SOX5: variants seen among roughly 807,000 people sequenced by gnomAD.
SOX5 encodes SRY-box transcription factor 5.
Under a neutral mutation model 92.0 loss-of-function variants are expected in SOX5, and 9 were observed. That is an observed-to-expected ratio of 0.10 (90% CI 0.06 to 0.17). SOX5 has a LOEUF of 0.17. SOX5 is among the 10% of genes least tolerant of loss of function. The probability of loss-of-function intolerance (pLI) is 1.00; values close to 1 mark genes in which losing one functional copy is unlikely to be tolerated. For missense variants in SOX5, 642 were observed against 944.5 expected (o/e 0.68, Z 4.20); for synonymous variants, 344 against 336.3 (o/e 1.02, Z -0.25).
chr12:24,176,535 G>A (rs1174825077), intron 4 of SOX5, among the ~76,000 whole-genome samples: 1 of 152,138 alleles, frequency 6.6e-6, no homozygotes, highest in East Asian at 1.9e-4. Flanking sequence ...AGCCTGCTGT[G>A]GTTTAAGAAG....
chr12:24,065,469 A>AAACCCTCTCT (rs1295745819), intron 4 of SOX5, among the ~76,000 whole-genome samples: 1 of 152,016 alleles, frequency 6.6e-6, no homozygotes, highest in Non-Finnish European at 1.5e-5. Flanking sequence ...TAACATGGTG[A>AAACCCTCTCT]AACCCTGTCT....
intron 2 of SOX5, among the ~76,000 whole-genome samples, chr12:23,853,549 T>TG (rs1191930330): frequency 6.6e-6 from 1 of 151,700 alleles, no homozygotes; most frequent in Non-Finnish European, 1.5e-5. Context: ...ACGTGTTTTT[T>TG]TTTTTTTTTT....
chr12:23,792,657 A>C (rs1248343282), intron 3 of SOX5, among the ~76,000 whole-genome samples: 7 of 139,276 alleles, frequency 5.0e-5, no homozygotes, highest in Non-Finnish European at 6.3e-5. Flanking sequence ...AAAAAAAAAA[A>C]AAAAACTTGG....
chr12:23,710,509 T>C (rs562152670), intron 6 of SOX5, among the ~76,000 whole-genome samples: 10 of 152,256 alleles, frequency 6.6e-5, no homozygotes, highest in African/African-American at 1.7e-4. Flanking sequence ...TTTGTTCTTG[T>C]GATAGTTGGC....
chr12:23,667,127 G>A (rs1191523971), intron 6 of SOX5, among the ~76,000 whole-genome samples: 1 of 152,068 alleles, frequency 6.6e-6, no homozygotes, highest in Non-Finnish European at 1.5e-5. Context: ...GTGTGGTGGT[G>A]GGGGCGGCAG....
intron 3 of SOX5, among the ~76,000 whole-genome samples, chr12:23,808,871 C>T (rs2095827403): frequency 6.6e-6 from 1 of 151,980 alleles, no homozygotes; most frequent in African/African-American, 2.4e-5. Flanking sequence ...TAATAGTGGA[C>T]CTATTAGGTT....
At chr12:24,392,445 A>G (rs1566055679) in intron 1 of SOX5, among the ~76,000 whole-genome samples, 1 of 152,080 alleles carries the variant, frequency 6.6e-6, no homozygotes, top group Non-Finnish European at 1.5e-5. Context: ...GGAAGTTAAG[A>G]AGCTCAGTGT....
At chr12:24,056,236 T>C (rs1958086526) in intron 4 of SOX5, among the ~76,000 whole-genome samples, 1 of 151,928 alleles carries the variant, frequency 6.6e-6, no homozygotes, top group Admixed American at 6.6e-5. Context: ...CTTTGAAAAG[T>C]CCAAGACCGA....
rs1938877627 is a variant in SOX5 at position 23,530,825 on chromosome 12, GCGCGCGCGCGCA to G, written c.*3382_*3393del. 2 of 144,500 alleles carry G rather than the reference GCGCGCGCGCGCA, an allele frequency of 1.4e-5. No individual in the cohort carries two copies. Among genetic ancestry groups the G allele is most frequent in the South Asian group, 4.4e-4 (2 of 4,564 alleles). The allele number at this position is 144,500 out of a possible 1,614,324, so 9.0% of individuals were successfully genotyped here. A position where few individuals can be genotyped will look rare whatever the true frequency, so the allele number is the denominator to read the frequency against. ...TGTGTGTGTGTGTGTGTGTGCGCGC[GCGCGCGCGCGCA>G]TGTGAGAGAGAGAGAGAAAGGGAAA... On this transcript the variant is annotated 3_prime_UTR_variant, in exon 15 of 15. Transcript: ENST00000451604.
At chr12:23,884,148 C>T (rs545340717) in intron 2 of SOX5, among the ~76,000 whole-genome samples, 6 of 152,280 alleles carry the variant, frequency 3.9e-5, no homozygotes, top group South Asian at 2.1e-4. Context: ...GAAAGTTTTA[C>T]GTGTCTTGAC....
intron 4 of SOX5, among the ~76,000 whole-genome samples, chr12:24,200,191 T>C (rs1001676093): frequency 6.6e-6 from 1 of 152,182 alleles, no homozygotes; most frequent in Non-Finnish European, 1.5e-5. Context: ...TCAGGAAATC[T>C]GGGTACTTTT....
intron 2 of SOX5, among the ~76,000 whole-genome samples, chr12:23,871,280 C>T (rs1311932644): frequency 6.6e-6 from 1 of 152,114 alleles, no homozygotes; most frequent in Admixed American, 6.5e-5. Context: ...TTTTATGTAA[C>T]ACACAAAATG....
At chr12:24,441,435 C>G (rs2137190446) in intron 1 of SOX5, among the ~76,000 whole-genome samples, 1 of 152,338 alleles carries the variant, frequency 6.6e-6, no homozygotes, top group Admixed American at 6.5e-5. Context: ...ATTACACCAA[C>G]TGTCCTTTAA....
At chr12:24,395,918 C>G (rs1959823275) in intron 1 of SOX5, among the ~76,000 whole-genome samples, 3 of 152,176 alleles carry the variant, frequency 2.0e-5, no homozygotes, top group African/African-American at 4.8e-5. Flanking sequence ...GTCTGGCCTG[C>G]CCTCACAGAA....
intron 2 of SOX5, among the ~76,000 whole-genome samples, chr12:23,884,175 C>T (rs530826687): frequency 6.6e-5 from 10 of 152,272 alleles, no homozygotes; most frequent in South Asian, 4.1e-4. Context: ...AAACACTGTA[C>T]GCACCCTCTA....
intron 6 of SOX5, among the ~76,000 whole-genome samples, chr12:23,673,365 T>C (rs2085113653): frequency 1.3e-5 from 2 of 152,146 alleles, no homozygotes; most frequent in South Asian, 4.1e-4. Context: ...TTACTTATTG[T>C]AGTTCTTGAC....
intron 13 of SOX5, among the ~76,000 whole-genome samples, chr12:23,538,926 G>A (rs1453283723): frequency 1.3e-5 from 2 of 150,066 alleles, no homozygotes; most frequent in East Asian, 2.0e-4. Context: ...TCAGCCTCCC[G>A]AGTAGCTGGG....
intron 3 of SOX5, among the ~76,000 whole-genome samples, chr12:24,242,109 T>A (rs1426084663): frequency 6.6e-6 from 1 of 152,206 alleles, no homozygotes; most frequent in Non-Finnish European, 1.5e-5. Flanking sequence ...TTTGTAAAGT[T>A]ATGTGAAGAA....
chr12:23,546,667 G>A (rs556390171), intron 11 of SOX5, among the ~76,000 whole-genome samples: 3 of 152,176 alleles, frequency 2.0e-5, no homozygotes, highest in African/African-American at 7.2e-5. Context: ...TATGCCTAAG[G>A]GATATATGCC....
Sources: gnomAD v4.1 joint callset for allele counts (sites outside exome capture counted in the v4.1 genomes callset) on GRCh38, gnomAD v4.1.1 for gene constraint, MANE v1.5 for transcripts, NCBI Gene and HGNC (gene_info 2026-07-23, HGNC 2026-07-21) for gene names.